Variants in CSMD3 observed in about 807,000 individuals in gnomAD.
The protein encoded by CSMD3 is CUB and sushi domain-containing protein 3.
A neutral mutation model predicts 435.2 loss-of-function variants in CSMD3; 177 were observed. That is an observed-to-expected ratio of 0.41 (90% CI 0.36 to 0.46). CSMD3 has a LOEUF of 0.46. Among genes scored for constraint, CSMD3 ranks in the 20% least tolerant of loss-of-function variants. The pLI is 0.34. For missense variants in CSMD3, 4,265 were observed against 4,504.6 expected, an observed-to-expected ratio of 0.95 and a Z score of 1.52; for synonymous variants, 1,656 against 1,520.5, an observed-to-expected ratio of 1.09 and a Z score of -2.07.
At chr8:112,641,218 C>G (rs1480395207) in intron 20 of CSMD3, among the ~76,000 whole-genome samples, 1 of 152,144 alleles carries the variant, frequency 6.6e-6, no homozygotes, top group Non-Finnish European at 1.5e-5. Flanking sequence ...TAAAAAGAAG[C>G]TGCTGTTCAT....
At chr8:113,395,062 A>G (rs2094477011) in intron 1 of CSMD3, among the ~76,000 whole-genome samples, 1 of 150,586 alleles carries the variant, frequency 6.6e-6, no homozygotes, top group African/African-American at 2.4e-5. Context: ...AATATATCCA[A>G]CGTGATACTG....
intron 35 of CSMD3, among the ~76,000 whole-genome samples, chr8:112,405,246 T>TATATATATATATATATACACAC (rs1199452249): frequency 2.5e-5 from 2 of 81,538 alleles, no homozygotes; most frequent in African/African-American, 1.1e-4. Flanking sequence ...TATATATATA[T>TATATATATATATATATACACAC]ACATATATAT....
In CSMD3 at chr8:112,633,803, A is replaced by G. The variant is rs527633712; in HGVS notation, c.3715+3014T>C. 7.9e-5 allele frequency among the ~76,000 whole-genome samples: 12 copies of G among 152,178 alleles called. No individual in the cohort carries two copies. The South Asian group carries it at 2.5e-3, about 32-fold the overall frequency. The stretch of plus-strand genomic sequence containing the variant: ...ATCAGTTCCCTTACTATCCAGAATC[A>G]GATGCCTTATATAACCTATATACAC... On this transcript the variant is annotated intron_variant, in intron 22 of 70. Coordinates refer to ENST00000297405, the MANE Select transcript of CSMD3 (RefSeq NM_198123.2).
intron 22 of CSMD3, among the ~76,000 whole-genome samples, chr8:112,618,056 A>G (rs1284766738): frequency 6.6e-6 from 1 of 152,108 alleles, no homozygotes; most frequent in Non-Finnish European, 1.5e-5. Flanking sequence ...TACAAGAGAG[A>G]GTTTAAGGCT....
intron 13 of CSMD3, among the ~76,000 whole-genome samples, chr8:112,797,938 T>G (rs1363271387): frequency 6.6e-6 from 1 of 151,932 alleles, no homozygotes; most frequent in Admixed American, 6.6e-5. Context: ...ATAGGTTCAT[T>G]TATTCAGTTT....
At chr8:113,098,561 T>A in intron 5 of CSMD3, 195 bp downstream of exon 5, 1 of 585,310 alleles carries the variant, frequency 1.7e-6, no homozygotes. Flanking sequence ...TTATACAAGT[T>A]TTGAATTTCA....
chr8:112,652,345 A>G (rs2075148316), intron 18 of CSMD3, among the ~76,000 whole-genome samples: 1 of 152,068 alleles, frequency 6.6e-6, no homozygotes, highest in African/African-American at 2.4e-5. Flanking sequence ...ATTTCCCCCA[A>G]TGTTCCAGGT....
intron 17 of CSMD3, among the ~76,000 whole-genome samples, chr8:112,664,557 A>T (rs1436495869): frequency 2.6e-5 from 4 of 152,196 alleles, no homozygotes; most frequent in African/African-American, 7.2e-5. Flanking sequence ...GAAAATTTTT[A>T]AAAATGTGTC....
At chr8:113,244,197 CT>C (rs2093251776) in intron 3 of CSMD3, among the ~76,000 whole-genome samples, 1 of 152,130 alleles carries the variant, frequency 6.6e-6, no homozygotes, top group Admixed American at 6.6e-5. Flanking sequence ...ATTCCTTGTG[CT>C]TTTGGTATCA....
intron 59 of CSMD3, among the ~76,000 whole-genome samples, chr8:112,274,348 G>A (rs535246708): frequency 6.6e-6 from 1 of 152,182 alleles, no homozygotes; most frequent in Non-Finnish European, 1.5e-5. Flanking sequence ...CATTAAGAGA[G>A]TTTCAAGTCT....
At chr8:112,453,649 G>T (rs558832077) in intron 32 of CSMD3, among the ~76,000 whole-genome samples, 1 of 152,268 alleles carries the variant, frequency 6.6e-6, no homozygotes, top group African/African-American at 2.4e-5. Flanking sequence ...CATGCTCATA[G>T]ATTGGAAGGG....
At chr8:112,278,463 G>C (rs1334672053) in intron 59 of CSMD3, among the ~76,000 whole-genome samples, 1 of 152,132 alleles carries the variant, frequency 6.6e-6, no homozygotes, top group Admixed American at 6.5e-5. Context: ...TCTCAGCTTA[G>C]ACTTATCTGT....
chr8:112,815,880 T>A (rs2079361372), intron 12 of CSMD3, among the ~76,000 whole-genome samples: 1 of 152,144 alleles, frequency 6.6e-6, no homozygotes, highest in African/African-American at 2.4e-5. Context: ...TGACAAAGAT[T>A]ATTTTTGTAT....
At chr8:112,747,617 G>A (rs1190590540) in intron 13 of CSMD3, among the ~76,000 whole-genome samples, 1 of 152,098 alleles carries the variant, frequency 6.6e-6, no homozygotes, top group African/African-American at 2.4e-5. Flanking sequence ...AATTGTCAGA[G>A]TAATTTAGGC....
intron 5 of CSMD3, 182 bp downstream of exon 5, chr8:113,098,574 T>A: frequency 1.7e-6 from 1 of 593,968 alleles, no homozygotes; most frequent in East Asian, 2.8e-5. Flanking sequence ...GAATTTCATC[T>A]ATTTTTTATG....
intron 22 of CSMD3, among the ~76,000 whole-genome samples, chr8:112,598,123 T>TGC: frequency 7.0e-6 from 1 of 143,706 alleles, no homozygotes; most frequent in Non-Finnish European, 1.5e-5. Flanking sequence ...AAAACCCCAT[T>TGC]GTCTCAGCCC....
At chr8:112,296,278 C>G (rs932025570) in intron 53 of CSMD3, among the ~76,000 whole-genome samples, 4 of 151,986 alleles carry the variant, frequency 2.6e-5, no homozygotes, top group African/African-American at 9.7e-5. Flanking sequence ...ATAGGCTGGG[C>G]ACGGTGGTTC....
At chr8:113,426,812 A>G (rs2094638242) in intron 1 of CSMD3, among the ~76,000 whole-genome samples, 1 of 151,562 alleles carries the variant, frequency 6.6e-6, no homozygotes, top group Admixed American at 6.6e-5. Context: ...AGTTTTCAAC[A>G]ATAAATAAAA....
At chr8:112,279,988 T>C (rs925682398) in intron 59 of CSMD3, among the ~76,000 whole-genome samples, 3 of 152,120 alleles carry the variant, frequency 2.0e-5, no homozygotes, top group African/African-American at 4.8e-5. Flanking sequence ...TCTCCAGGAA[T>C]GCATGTATGC....
Sources: gnomAD v4.1 joint callset for allele counts (sites outside exome capture counted in the v4.1 genomes callset) on GRCh38, gnomAD v4.1.1 for gene constraint, MANE v1.5 for transcripts, NCBI Gene and HGNC (gene_info 2026-07-23, HGNC 2026-07-21) for gene names.